The following MGAT4C variants were observed in gnomAD, a reference collection of about 807,000 sequenced individuals.
The protein encoded by MGAT4C is MGAT4 family member C.
In MGAT4C, 19 loss-of-function variants were observed where a neutral mutation model predicts 40.1. That is an observed-to-expected ratio of 0.47 (90% CI 0.33 to 0.70). The LOEUF is 0.70. Among genes scored for constraint, MGAT4C ranks in the 30% least tolerant of loss-of-function variants. The probability of loss-of-function intolerance (pLI) is 0.02; values close to 1 mark genes in which losing one functional copy is unlikely to be tolerated. For synonymous variants in MGAT4C, 181 were observed against 187.1 expected (o/e 0.97, Z 0.27); for missense variants, 491 against 563.2 (o/e 0.87, Z 1.30).
At chr12:86,799,341 A>G (rs975714705) in intron 1 of MGAT4C, among the ~76,000 whole-genome samples, 6 of 151,764 alleles carry the variant, frequency 4.0e-5, no homozygotes, top group Non-Finnish European at 5.9e-5. Flanking sequence ...CATGTTGAAA[A>G]CTGCTTTGAA....
At chr12:86,543,670 C>G (rs536204609) in intron 2 of MGAT4C, among the ~76,000 whole-genome samples, 2 of 152,196 alleles carry the variant, frequency 1.3e-5, no homozygotes, top group South Asian at 4.1e-4. Context: ...GGAAACATTA[C>G]TAGTATTTTA....
At chr12:86,804,913 G>T (rs990103284) in intron 1 of MGAT4C, among the ~76,000 whole-genome samples, 2 of 151,976 alleles carry the variant, frequency 1.3e-5, no homozygotes, top group Non-Finnish European at 2.9e-5. Flanking sequence ...TTTTGGATGT[G>T]ATTAAAATTT....
At chr12:86,047,996 AAC>A (rs1453392787) in intron 2 of MGAT4C, among the ~76,000 whole-genome samples, 1 of 152,176 alleles carries the variant, frequency 6.6e-6, no homozygotes, top group Non-Finnish European at 1.5e-5. Flanking sequence ...GATCATGAAC[AAC>A]ACAGAGTGTA....
chr12:86,713,808 A>G (rs1012184106), intron 2 of MGAT4C, among the ~76,000 whole-genome samples: 45 of 152,136 alleles, frequency 3.0e-4, no homozygotes, highest in African/African-American at 9.4e-4. Context: ...CTTGAAAGTG[A>G]AGGAGAAAAG....
intron 1 of MGAT4C, among the ~76,000 whole-genome samples, chr12:86,153,503 A>G (rs74370987): frequency 6.6e-6 from 1 of 152,188 alleles, no homozygotes; most frequent in African/African-American, 2.4e-5. Flanking sequence ...AAATGGGTCC[A>G]TGATATGGTT....
chr12:86,629,517 A>G (rs1962951367), intron 2 of MGAT4C, among the ~76,000 whole-genome samples: 1 of 152,186 alleles, frequency 6.6e-6, no homozygotes, highest in South Asian at 2.1e-4. Flanking sequence ...AGCTCTCCTC[A>G]GAAAATGAAA....
chr12:86,396,623 G>C (rs1202931863), intron 3 of MGAT4C, among the ~76,000 whole-genome samples: 5 of 152,152 alleles, frequency 3.3e-5, no homozygotes, highest in African/African-American at 1.2e-4. Flanking sequence ...AAAGGTGGGG[G>C]AGAAGGAGTG....
At chr12:86,815,846 G>A (rs558277600) in intron 1 of MGAT4C, among the ~76,000 whole-genome samples, 8 of 141,180 alleles carry the variant, frequency 5.7e-5, no homozygotes. Flanking sequence ...TGGACTTGGG[G>A]GGAAGAGTGG....
At chr12:86,524,491 C>T (rs187300442) in intron 2 of MGAT4C, among the ~76,000 whole-genome samples, 45 of 152,240 alleles carry the variant, frequency 3.0e-4, no homozygotes, top group African/African-American at 1.1e-3. Context: ...ATCTAGCTGC[C>T]TTGAACACTT....
intron 1 of MGAT4C, among the ~76,000 whole-genome samples, chr12:86,230,501 T>C (rs1048858858): frequency 2.6e-5 from 4 of 152,178 alleles, no homozygotes; most frequent in Non-Finnish European, 4.4e-5. Flanking sequence ...ATTACAGTGT[T>C]TGTGTAAACA....
At chr12:86,047,515 C>A (rs1005040194) in intron 2 of MGAT4C, among the ~76,000 whole-genome samples, 26 of 152,094 alleles carry the variant, frequency 1.7e-4, no homozygotes, top group Admixed American at 1.4e-3. Flanking sequence ...TGTGAAAATT[C>A]CTACCAAACC....
intron 3 of MGAT4C, among the ~76,000 whole-genome samples, chr12:86,413,681 C>T (rs905345167): frequency 5.9e-5 from 9 of 152,064 alleles, no homozygotes; most frequent in East Asian, 1.9e-4. Context: ...AGTAATTTTT[C>T]GGGGGGAATA....
chr12:86,277,488 C>A (rs1414329365), intron 4 of MGAT4C, among the ~76,000 whole-genome samples: 2 of 152,072 alleles, frequency 1.3e-5, no homozygotes, highest in African/African-American at 4.8e-5. Context: ...GTCCTGGAGA[C>A]TTTTTCCATT....
intron 1 of MGAT4C, among the ~76,000 whole-genome samples, chr12:86,252,309 T>C (rs1952326764): frequency 6.6e-6 from 1 of 152,176 alleles, no homozygotes; most frequent in East Asian, 1.9e-4. Context: ...TTTATTATTA[T>C]GCAATAGGAC....
At chr12:86,580,288 A>T (rs561466851) in intron 2 of MGAT4C, among the ~76,000 whole-genome samples, 1 of 151,542 alleles carries the variant, frequency 6.6e-6, no homozygotes, top group South Asian at 2.1e-4. Flanking sequence ...GCACTTTTTA[A>T]ATCATTTAAC....
intron 2 of MGAT4C, among the ~76,000 whole-genome samples, chr12:86,593,842 GTC>G (rs1288717234): frequency 2.0e-5 from 3 of 152,012 alleles, no homozygotes; most frequent in Non-Finnish European, 2.9e-5. Context: ...GGGATTTAGA[GTC>G]TCTGTTCTAC....
At chr12:86,591,228 C>T (rs1961315067) in intron 2 of MGAT4C, among the ~76,000 whole-genome samples, 1 of 151,950 alleles carries the variant, frequency 6.6e-6, no homozygotes, top group African/African-American at 2.4e-5. Context: ...CTTCCATCTA[C>T]TATAGCCTCC....
chr12:86,017,077 T>C (rs553035274), intron 2 of MGAT4C, among the ~76,000 whole-genome samples: 3 of 152,326 alleles, frequency 2.0e-5, no homozygotes, highest in East Asian at 3.9e-4. Flanking sequence ...AGAATTGTTA[T>C]CTGTATGTTT....
rs1882803147 is a variant in MGAT4C, at chr12:85,956,544, A to C, written c.*22745T>G. 2 of 152,198 alleles carry C rather than the reference A, an allele frequency of 1.3e-5. No individual in the cohort carries two copies. 9.4% of individuals were successfully genotyped at this position (152,198 alleles called of 1,614,324 possible). A position where few individuals can be genotyped will look rare whatever the true frequency, so the allele number is the denominator to read the frequency against. On this transcript the variant is annotated 3_prime_UTR_variant, in exon 5 of 5. Transcript: ENST00000611864. Reference sequence around the variant, plus strand: ...CACCTGTTGGGAACATTTACAGATCATTTTTTGGATTACATTTAGTCTTTA... The same window carrying C: ...CACCTGTTGGGAACATTTACAGATCCTTTTTTGGATTACATTTAGTCTTTA...
Sources: gnomAD v4.1 joint callset for allele counts (sites outside exome capture counted in the v4.1 genomes callset) on GRCh38, gnomAD v4.1.1 for gene constraint, MANE v1.5 for transcripts, NCBI Gene and HGNC (gene_info 2026-07-23, HGNC 2026-07-21) for gene names.